TUSC3: variants seen among roughly 807,000 people sequenced by gnomAD.
TUSC3 encodes dolichyl-diphosphooligosaccharide--protein glycosyltransferase subunit TUSC3.
In TUSC3, 45 loss-of-function variants were observed where a neutral mutation model predicts 44.8. The ratio of observed to expected loss-of-function variants is 1.00; its 90% CI spans 0.79 to 1.29. The LOEUF (loss-of-function observed/expected upper bound fraction) is 1.29, where lower values mean the gene tolerates loss of function less well. Ranked by LOEUF, TUSC3 falls within the 50% of genes most tolerant of loss-of-function variation. TUSC3 has a pLI of 0.00. For synonymous variants in TUSC3, 212 were observed against 152.9 expected, an observed-to-expected ratio of 1.39 and a Z score of -2.85; for missense variants, 519 against 437.9, an observed-to-expected ratio of 1.19 and a Z score of -1.65.
chr8:15,781,873 C>T, the TUSC3 span, among the ~76,000 whole-genome samples: 8,024 of 152,276 alleles, frequency 0.053, 339 homozygotes, highest in African/African-American at 0.12. Context: ...TGGCTCATGT[C>T]TGTAATCCAA....
At chr8:15,433,656 T>A (rs965704467) in intron 1 of TUSC3, among the ~76,000 whole-genome samples, 7 of 152,100 alleles carry the variant, frequency 4.6e-5, no homozygotes, top group Non-Finnish European at 8.8e-5. Context: ...CACTCTAGAT[T>A]AATTTGTCAC....
chr8:15,729,808 G>A (rs1160659835), intron 6 of TUSC3, among the ~76,000 whole-genome samples: 4 of 151,548 alleles, frequency 2.6e-5, no homozygotes, highest in African/African-American at 7.3e-5. Flanking sequence ...AAATTCCGGC[G>A]ACATGCAATT....
intron 2 of TUSC3, among the ~76,000 whole-genome samples, chr8:15,516,243 G>C (rs1413317917): frequency 6.6e-6 from 1 of 152,110 alleles, no homozygotes; most frequent in Admixed American, 6.6e-5. Flanking sequence ...TCAGTGTATA[G>C]TTAGTATTAA....
chr8:15,588,743 A>G (rs76765413), intron 1 of TUSC3, among the ~76,000 whole-genome samples: 4 of 152,300 alleles, frequency 2.6e-5, no homozygotes, highest in South Asian at 2.1e-4. Context: ...GGTGAGAGAC[A>G]GGGTCCAGTT....
the TUSC3 span, among the ~76,000 whole-genome samples, chr8:15,779,375 G>A: frequency 5.3e-5 from 8 of 151,918 alleles, no homozygotes; most frequent in African/African-American, 1.9e-4. Flanking sequence ...GCCCACATAT[G>A]CACTTTTATA....
At chr8:15,512,560 G>T (rs2410276) in intron 2 of TUSC3, among the ~76,000 whole-genome samples, 70,420 of 151,930 alleles carry the variant, frequency 0.46, 19,031 homozygotes, top group Non-Finnish European at 0.62. Flanking sequence ...ATCACTTGAG[G>T]TCAGCAGTTT....
chr8:15,563,751 T>G, intron 1 of TUSC3, among the ~76,000 whole-genome samples: 1 of 145,152 alleles, frequency 6.9e-6, no homozygotes, highest in Admixed American at 6.9e-5. Flanking sequence ...ATCCTCAGAG[T>G]AGTTTTAAAG....
chr8:15,541,654 A>C (rs1801695435), intron 1 of TUSC3, among the ~76,000 whole-genome samples: 1 of 152,144 alleles, frequency 6.6e-6, no homozygotes, highest in African/African-American at 2.4e-5. Context: ...TTTTAACATG[A>C]AAGTAGGTCA....
intron 1 of TUSC3, among the ~76,000 whole-genome samples, chr8:15,464,871 A>G (rs972250120): frequency 1.3e-5 from 2 of 151,818 alleles, no homozygotes; most frequent in African/African-American, 2.4e-5. Flanking sequence ...TTTGTTTGAG[A>G]TGGAGTCTTG....
intron 5 of TUSC3, 108 bp from the exon 6 acceptor site, chr8:15,673,639 G>A (rs1022295054): frequency 8.5e-6 from 8 of 945,530 alleles, no homozygotes; most frequent in Middle Eastern, 4.2e-4. Flanking sequence ...TGTGTGAGCT[G>A]ATACATGATT....
intron 1 of TUSC3, among the ~76,000 whole-genome samples, chr8:15,586,236 T>G (rs750490962): frequency 1.3e-4 from 20 of 152,114 alleles, no homozygotes; most frequent in Non-Finnish European, 2.4e-4. Context: ...TGTTGTGAGT[T>G]AAGAAGTGAA....
At chr8:15,594,200 C>T (rs1018212457) in intron 1 of TUSC3, among the ~76,000 whole-genome samples, 1 of 152,072 alleles carries the variant, frequency 6.6e-6, no homozygotes, top group African/African-American at 2.4e-5. Flanking sequence ...TCAGTTTAAT[C>T]TTTTCATCTG....
At chr8:15,723,246 G>A (rs1810373859) in intron 6 of TUSC3, among the ~76,000 whole-genome samples, 1 of 152,144 alleles carries the variant, frequency 6.6e-6, no homozygotes, top group Non-Finnish European at 1.5e-5. Flanking sequence ...AGTAAGTTCA[G>A]CAGAGACATT....
intron 1 of TUSC3, among the ~76,000 whole-genome samples, chr8:15,616,377 A>G (rs560617115): frequency 1.5e-4 from 23 of 152,286 alleles, no homozygotes; most frequent in African/African-American, 5.3e-4. Context: ...CAGGAGTTGG[A>G]GACCAGCCTG....
At chr8:15,616,236 A>G in intron 1 of TUSC3, among the ~76,000 whole-genome samples, 1 of 152,286 alleles carries the variant, frequency 6.6e-6, no homozygotes, top group Non-Finnish European at 1.5e-5. Context: ...AGTGACATGT[A>G]TTTTTATACA....
chr8:15,610,969 A>C (rs1350059712), intron 1 of TUSC3, among the ~76,000 whole-genome samples: 1 of 152,210 alleles, frequency 6.6e-6, no homozygotes, highest in Non-Finnish European at 1.5e-5. Context: ...AAGTTCACTT[A>C]ATTGAATATT....
At chr8:15,459,834 GTGTGTGTGTGTGTGTGTGTGTA>G (rs1157345240) in intron 1 of TUSC3, among the ~76,000 whole-genome samples, 2 of 103,502 alleles carry the variant, frequency 1.9e-5, no homozygotes, top group Middle Eastern at 4.8e-3. Flanking sequence ...TATTCCATTT[GTGTGTGTGTGTGTGTGTGTGTA>G]TGTGTGTGTG....
In TUSC3 at chr8:15,474,982, A is replaced by G. The variant is rs897715460; in HGVS notation, n.92-8404A>G. Among the ~76,000 whole-genome samples, 6 of 152,196 alleles carry G rather than the reference A, an allele frequency of 3.9e-5. No individual in the cohort carries two copies. In the South Asian group the frequency reaches 1.2e-3, roughly 32 times the overall value. ...CCTTCTGTGACACTTGCAGATGAAA[A>G]GATTCATTTCCTTTTTTTTGATATT... On this transcript the variant is annotated intron_variant and non_coding_transcript_variant, in intron 1 of 5. Coordinates refer to the TUSC3 transcript ENST00000503191.
intron 6 of TUSC3, among the ~76,000 whole-genome samples, chr8:15,680,699 CTGTTGAGTATGA>C (rs1049166830): frequency 2.0e-5 from 3 of 152,028 alleles, no homozygotes; most frequent in African/African-American, 7.2e-5. Flanking sequence ...CTTTTGCCTC[CTGTTGAGTATGA>C]TGTTGCCTGT....
Sources: allele counts gnomAD v4.1 joint callset (sites outside exome capture counted in the v4.1 genomes callset), GRCh38; gene constraint gnomAD v4.1.1; transcripts MANE v1.5; gene names NCBI Gene and HGNC (gene_info 2026-07-23, HGNC 2026-07-21).